PSMD2: variants seen among roughly 807,000 people sequenced by gnomAD.
PSMD2 encodes the protein proteasome 26S subunit ubiquitin receptor, non-ATPase 2.
Under a neutral mutation model 101.5 loss-of-function variants are expected in PSMD2, and 8 were observed. The ratio of observed to expected loss-of-function variants is 0.08; its 90% CI spans 0.05 to 0.14. PSMD2 has a LOEUF of 0.14. Among genes scored for constraint, PSMD2 ranks in the 10% least tolerant of loss-of-function variants. The pLI, the probability that PSMD2 is intolerant of heterozygous loss-of-function variation, is 1.00. For synonymous variants in PSMD2, 418 were observed against 433.8 expected (o/e 0.96, Z 0.45); for missense variants, 784 against 1,147.4 (o/e 0.68, Z 4.58).
chr3:184,302,112 C>T (rs377047559), intron 5 of PSMD2, 41 bp downstream of exon 5: 2 of 1,580,940 alleles, frequency 1.3e-6, no homozygotes, highest in Admixed American at 3.3e-5. Context: ...GCATGCCCTC[C>T]TCAGCACCTC....
intron 13 of PSMD2, 27 bp from the exon 14 acceptor site, chr3:184,306,027 C>T: frequency 1.9e-6 from 3 of 1,613,970 alleles, no homozygotes; most frequent in South Asian, 1.1e-5. Context: ...GGCAAGTATC[C>T]TCTGACCCCT....
rs1560197497 is a variant in PSMD2, at chr3:184,308,388, A to G, written c.2426-61A>G. On this transcript the variant is annotated intron_variant, in intron 19 of 20. Transcript: ENST00000310118. This position sits in a 1 kb window ranked among gnomAD's most constrained non-coding sequence, Gnocchi z 6.0. ...GGGTCAGCGCTGAGGTGGGCTCTCA[A>G]TGTTTCTGGCCAGGCCTGTCTTTTT... The G allele has an allele frequency of 5.1e-6, 7 of 1,364,288 alleles. No individual in the cohort carries two copies. The highest frequency in any genetic ancestry group is 2.9e-5 in the African/African-American group (2 of 69,174). The allele number at this position is 1,364,288 out of a possible 1,614,324, so 84.5% of individuals were successfully genotyped here. A position where few individuals can be genotyped will look rare whatever the true frequency, so the allele number is the denominator to read the frequency against.
In PSMD2 at chr3:184,299,350, G is replaced by C. The variant is rs1721566564; in HGVS notation, c.84G>C (p.Pro28=). The change falls in exon 1 of 21, where the codon CCG becomes CCC. Residue 28 remains proline (P), a synonymous_variant. Coordinates refer to ENST00000310118, the MANE Select transcript of PSMD2 (RefSeq NM_002808.5). ...AAAPGGTDEK[P]SGKERRDAGD... ...CCCCCGGCGGCACGGACGAGAAGCC[G>C]AGCGGCAAGGAGCGGCGGGATGCCG... The C allele has an allele frequency of 7.1e-7, 1 of 1,411,868 alleles. No individual in the cohort carries two copies. The highest frequency in any genetic ancestry group is 9.2e-7 in the Non-Finnish European group (1 of 1,086,388). The allele number at this position is 1,411,868 out of a possible 1,614,324, so 87.5% of individuals were successfully genotyped here. A position where few individuals can be genotyped will look rare whatever the true frequency, so the allele number is the denominator to read the frequency against.
At chr3:184,300,655 T>C (rs1004112123) in intron 3 of PSMD2, 40 of 1,341,710 alleles carry the variant, frequency 3.0e-5, no homozygotes, top group African/African-American at 1.5e-5. Flanking sequence ...TATTGGACTT[T>C]GGGGTTTCAT....
At chr3:184,299,659 G>A in intron 1 of PSMD2, 192 bp from the exon 2 acceptor site, 1 of 632,296 alleles carries the variant, frequency 1.6e-6, no homozygotes. Flanking sequence ...GTTTCCTAGA[G>A]TGGCATTCAA....
Position 184,306,389 on chromosome 3 carries a change from T to C in PSMD2, c.1844T>C (p.Ile615Thr). Reference protein sequence around the residue: ...NVLKVQQLLHICSEHFDSKEK... With the variant: ...NVLKVQQLLHTCSEHFDSKEK... ...CTGAAGGTGCAGCAGCTGCTCCACATTTGTAGCGAACACTTTGACTCCAAA... is the reference window on the plus strand; with the variant it reads ...CTGAAGGTGCAGCAGCTGCTCCACACTTGTAGCGAACACTTTGACTCCAAA... The change falls in exon 15 of 21, where the codon ATT becomes ACT. Residue 615 changes from isoleucine to threonine, a missense_variant. By Grantham distance (89) the Ile-to-Thr change is moderately conservative (BLOSUM62 -1). Around this residue, in one of 6 missense-constraint regions of PSMD2, gnomAD observed 282 missense variants for 437.6 expected, o/e 0.64. Coordinates refer to ENST00000310118, the MANE Select transcript of PSMD2 (RefSeq NM_002808.5). 1 of 1,614,174 alleles carries C rather than the reference T, an allele frequency of 6.2e-7. No homozygotes were observed. Among genetic ancestry groups the C allele is most frequent in the Non-Finnish European group, 8.5e-7 (1 of 1,180,030 alleles).
At chr3:184,307,802 G>T in intron 18 of PSMD2, 88 bp from the exon 19 acceptor site, 1 of 1,605,814 alleles carries the variant, frequency 6.2e-7, no homozygotes, top group South Asian at 1.1e-5. Context: ...GGAAAGATGT[G>T]ACCAAGTGGG....
rs780327615 is a variant in PSMD2 at position 184,305,777 on chromosome 3, G to A, written c.1549G>A (p.Val517Ile). ...DSKSSMEVAG[V>I]TALACGMIAV... The stretch of plus-strand genomic sequence containing the variant: ...ATTTTCCTACCTCTAGGTGGCAGGT[G>A]TCACAGCTTTAGCCTGTGGAATGAT... The change falls in exon 13 of 21, where the codon GTC (valine) becomes ATC (isoleucine). Residue 517 changes from valine (V) to isoleucine (I), a missense_variant. Coordinates refer to ENST00000310118, the MANE Select transcript of PSMD2 (RefSeq NM_002808.5). The A allele has an allele frequency of 3.1e-6, 5 of 1,613,684 alleles. No homozygotes were observed. Among genetic ancestry groups the A allele is most frequent in the Admixed American group, 1.7e-5 (1 of 59,988 alleles).
intron 12 of PSMD2, 114 bp from the exon 13 acceptor site, chr3:184,305,653 AC>A (rs1451088672): frequency 1.1e-6 from 1 of 949,544 alleles, no homozygotes; most frequent in African/African-American, 1.7e-5. Flanking sequence ...GATATTATGA[AC>A]TAATGTTATT....
chr3:184,306,423 G>A lies in PSMD2; in HGVS notation c.1878G>A (p.Glu626=), dbSNP rs1372004093. 2.5e-6 allele frequency: 4 copies of A among 1,614,166 alleles called. No homozygotes were observed. Among genetic ancestry groups the A allele is most frequent in the Non-Finnish European group, 3.4e-6 (4 of 1,180,036 alleles). The part of the protein sequence containing the change: ...CSEHFDSKEK[E]EDKDKKEKKD... ...AACACTTTGACTCCAAAGAGAAGGA[G>A]GAAGACAAAGACAAGAAGGAAAAGA... Residue 626 remains glutamate (E), a synonymous_variant, in exon 15 of 21, where the codon GAG becomes GAA. Transcript: ENST00000310118.
chr3:184,306,869 G>A, intron 16 of PSMD2, 35 bp downstream of exon 16: 1 of 1,563,622 alleles, frequency 6.4e-7, no homozygotes, highest in South Asian at 1.1e-5. Context: ...GAATATACTG[G>A]TTTTGATGGC....
chr3:184,308,846 G>A lies in PSMD2; in HGVS notation c.2683G>A (p.Glu895Lys), dbSNP rs1329123521. Reference protein sequence around the residue: ...EEFLPVTPILEGFVILRKNPN... With the variant: ...EEFLPVTPILKGFVILRKNPN... ...GTTTCTTCCTGTTACCCCCATTCTG[G>A]AAGGTTTTGTTATCCTTCGGAAGAA... Residue 895 changes from glutamate (E) to lysine (K), a missense_variant, in exon 21 of 21, where the codon GAA becomes AAA. Glu to Lys is a moderately conservative substitution (Grantham distance 56). Transcript: ENST00000310118. The surrounding 1 kb of genome is among the most constrained non-coding windows in gnomAD (Gnocchi z 6.0). The A allele has an allele frequency of 1.2e-6, 2 of 1,612,708 alleles. No homozygotes were observed. The highest frequency in any genetic ancestry group is 1.3e-5 in the African/African-American group (1 of 74,870).
Position 184,308,026 on chromosome 3 carries a change from T to A in PSMD2, c.2425+10T>A. The A allele has an allele frequency of 6.2e-7, 1 of 1,613,718 alleles. No homozygotes were observed. The highest frequency in any genetic ancestry group is 8.5e-7 in the Non-Finnish European group (1 of 1,179,986). The stretch of plus-strand genomic sequence containing the variant: ...CTGGATGTTCGAAACAGTGAGTTCC[T>A]GTCAGAAATTTTATATCATAGCATG... On this transcript the variant is annotated intron_variant, in intron 19 of 20. Coordinates refer to ENST00000310118, the MANE Select transcript of PSMD2 (RefSeq NM_002808.5). This position sits in a 1 kb window ranked among gnomAD's most constrained non-coding sequence, Gnocchi z 6.0.
chr3:184,302,895 C>A, intron 7 of PSMD2, 72 bp downstream of exon 7: 1 of 1,610,886 alleles, frequency 6.2e-7, no homozygotes, highest in Middle Eastern at 1.7e-4. Context: ...CCTGACTCTA[C>A]CTCTGACTAG....
intron 15 of PSMD2, 56 bp from the exon 16 acceptor site, chr3:184,306,695 G>A (rs1721842868): frequency 6.3e-7 from 1 of 1,576,478 alleles, no homozygotes; most frequent in Admixed American, 1.8e-5. Context: ...TTGAGTCAAG[G>A]GTGACTGTTT....
At position 184,304,149 on chromosome 3, in the gene PSMD2, C is replaced by T. The variant is rs1187817891; in HGVS notation, c.1451+75C>T. The T allele has an allele frequency of 6.3e-7, 1 of 1,589,314 alleles. No homozygotes were observed. Among genetic ancestry groups the T allele is most frequent in the Non-Finnish European group, 8.6e-7 (1 of 1,158,630 alleles). ...GAGAACAGGAACTGGGCCCTTTTCA[C>T]CCATATTGCCAAGGGCTACCACTGT... On this transcript the variant is annotated intron_variant, in intron 11 of 20. Coordinates refer to ENST00000310118, the MANE Select transcript of PSMD2 (RefSeq NM_002808.5). The surrounding 1 kb of genome is among the most constrained non-coding windows in gnomAD (Gnocchi z 4.1).
At position 184,303,194 on chromosome 3, in the gene PSMD2, TG is replaced by T. The variant is rs549929096; in HGVS notation, c.1070-119del. ...CATGAATCTTTTTCAGGTCACTGCTTGGGGGGGTATAGGTAGAGGATACTAA... is the reference window on the plus strand; with the variant it reads ...CATGAATCTTTTTCAGGTCACTGCTTGGGGGGTATAGGTAGAGGATACTAA... On this transcript the variant is annotated intron_variant, in intron 8 of 20. Transcript: ENST00000310118. The T allele has an allele frequency of 3.8e-5, 57 of 1,490,902 alleles. 1 individual carries two copies. The African/African-American group carries it at 4.2e-4, about 11-fold the overall frequency. 92.4% of individuals were successfully genotyped at this position (1,490,902 alleles called of 1,614,324 possible). A position where few individuals can be genotyped will look rare whatever the true frequency, so the allele number is the denominator to read the frequency against.
intron 12 of PSMD2, 43 bp from the exon 13 acceptor site, chr3:184,305,725 T>TAATCAAGACA: frequency 6.4e-7 from 1 of 1,563,484 alleles, no homozygotes; most frequent in Non-Finnish European, 8.7e-7. Context: ...ACATAAATAT[T>TAATCAAGACA]TTAATAACTT....
intron 9 of PSMD2, 55 bp downstream of exon 9, chr3:184,303,521 C>T (rs1299288064): frequency 6.2e-7 from 1 of 1,606,434 alleles, no homozygotes; most frequent in Non-Finnish European, 8.5e-7. Flanking sequence ...TTCTTTTGTC[C>T]TCTTGGAGTC....
Sources: allele counts gnomAD v4.1 joint callset, GRCh38; gene constraint gnomAD v4.1.1; regional missense constraint gnomAD v4.1.1; non-coding constraint Gnocchi (gnomAD v3.1); transcripts MANE v1.5; gene names NCBI Gene and HGNC (gene_info 2026-07-23, HGNC 2026-07-21).